GABRR2: variants seen among roughly 807,000 people sequenced by gnomAD.
GABRR2 encodes the protein gamma-aminobutyric acid type A receptor subunit rho2.
A neutral mutation model predicts 47.0 loss-of-function variants in GABRR2; 36 were observed. The observed-to-expected ratio is 0.77, with a 90% CI of 0.59 to 1.01. GABRR2 has a LOEUF of 1.01. Ranked by LOEUF, GABRR2 falls within the 50% of genes least tolerant of loss-of-function variation. GABRR2 has a pLI of 0.00. For missense variants in GABRR2, 587 were observed against 594.6 expected (o/e 0.99, Z 0.13); for synonymous variants, 204 against 227.5 (o/e 0.90, Z 0.93).
intron 8 of GABRR2, among the ~76,000 whole-genome samples, chr6:89,259,492 C>CT (rs1241455021): frequency 8.9e-5 from 13 of 145,540 alleles, no homozygotes; most frequent in South Asian, 8.8e-4. Context: ...AGTAACACTT[C>CT]TTTTTTTTTG....
intron 2 of GABRR2, among the ~76,000 whole-genome samples, chr6:89,290,575 C>T (rs1308599509): frequency 6.6e-6 from 1 of 152,258 alleles, no homozygotes; most frequent in Admixed American, 6.5e-5. Context: ...GCAATCTCCC[C>T]TGAGCCTCAC....
intron 1 of GABRR2, chr6:89,303,224 G>T: frequency 5.4e-6 from 2 of 368,428 alleles, no homozygotes; most frequent in South Asian, 4.2e-5. Context: ...TCCCCCACCA[G>T]CTTGTCACTC....
chr6:89,262,028 CAAA>C (rs35450080), intron 8 of GABRR2, among the ~76,000 whole-genome samples: 23 of 130,420 alleles, frequency 1.8e-4, no homozygotes, highest in Admixed American at 4.1e-4. Context: ...GACCCTGTCT[CAAA>C]AAAAAAAAAA....
chr6:89,303,734 C>G (rs1004203422), intron 1 of GABRR2, among the ~76,000 whole-genome samples: 2 of 146,930 alleles, frequency 1.4e-5, no homozygotes, highest in African/African-American at 2.5e-5. Context: ...GTAACCAAAA[C>G]AGCATGGTAC....
intron 8 of GABRR2, among the ~76,000 whole-genome samples, chr6:89,263,082 T>C (rs1163689779): frequency 6.6e-6 from 1 of 152,206 alleles, no homozygotes; most frequent in Non-Finnish European, 1.5e-5. Context: ...GTTTGAACTG[T>C]GCAGATCCAC....
chr6:89,257,377 C>T lies in GABRR2; in HGVS notation c.*293G>A, dbSNP rs1026677384. 5.3e-6 allele frequency: 2 copies of T among 374,642 alleles called. No homozygotes were observed. Among genetic ancestry groups the T allele is most frequent in the South Asian group, 4.6e-5 (1 of 21,704 alleles). 23.2% of individuals were successfully genotyped at this position (374,642 alleles called of 1,614,324 possible). A position where few individuals can be genotyped will look rare whatever the true frequency, so the allele number is the denominator to read the frequency against. ...AAGAATGTCTAGGAGGCATTTGAAT[C>T]CTTGTTTATAGGAGGGGAGTTCTTG... is the stretch of plus-strand genomic sequence containing the variant. On this transcript the variant is annotated 3_prime_UTR_variant, in exon 9 of 9. Coordinates refer to ENST00000402938, the MANE Select transcript of GABRR2 (RefSeq NM_002043.5).
At chr6:89,302,769 A>T in intron 1 of GABRR2, 1 of 1,445,524 alleles carries the variant, frequency 6.9e-7, no homozygotes, top group Non-Finnish European at 9.5e-7. Context: ...CATCCAGAGC[A>T]AGAACAGCAG....
At chr6:89,302,546 G>T (rs545917849) in intron 1 of GABRR2, 9 of 917,860 alleles carry the variant, frequency 9.8e-6, no homozygotes, top group South Asian at 7.8e-5. Flanking sequence ...GTGAACATGG[G>T]TGCCCTTCCC....
intron 3 of GABRR2, among the ~76,000 whole-genome samples, chr6:89,270,079 T>C (rs1043014167): frequency 5.3e-5 from 8 of 152,226 alleles, no homozygotes; most frequent in Non-Finnish European, 1.0e-4. Context: ...AGTGCATGCA[T>C]GAGAGTCTGT....
At position 89,314,143 on chromosome 6, in the gene GABRR2, G is replaced by T. The variant is rs773238825; in HGVS notation, c.113+910C>A. 1.9e-4 allele frequency among the ~76,000 whole-genome samples: 29 copies of T among 150,722 alleles called. 1 individual carries two copies. Among genetic ancestry groups the T allele is most frequent in the Admixed American group, 4.0e-4 (6 of 15,034 alleles). On this transcript the variant is annotated intron_variant, in intron 1 of 8. Transcript: ENST00000402938. The stretch of plus-strand genomic sequence containing the variant: ...ATTAGAGGTACAGTTTCAAAAACTT[G>T]TCATTGACAGCAGCGCATGTTCAAA...
At position 89,269,095 on chromosome 6, in the gene GABRR2, G is replaced by A. The variant is rs1277896096; in HGVS notation, c.428C>T (p.Ser143Phe). ...IWVPDVFFVHSKRSFTHDTTT... is the reference protein window; with the variant it reads ...IWVPDVFFVHFKRSFTHDTTT... ...GGTGTCATGAGTGAACGATCTTTTG[G>A]AGTGAACAAAGAAGACATCAGGGAC... Residue 143 changes from serine to phenylalanine, a missense_variant, in exon 4 of 9, where the codon TCC (serine) becomes TTC (phenylalanine). Coordinates refer to ENST00000402938, the MANE Select transcript of GABRR2 (RefSeq NM_002043.5). 6.2e-7 allele frequency: 1 copy of A among 1,614,044 alleles called. No individual in the cohort carries two copies. Among genetic ancestry groups the A allele is most frequent in the Admixed American group, 1.7e-5 (1 of 60,026 alleles).
chr6:89,280,131 C>A (rs572556559), intron 2 of GABRR2, among the ~76,000 whole-genome samples: 137 of 150,618 alleles, frequency 9.1e-4, no homozygotes, highest in Non-Finnish European at 1.5e-3. Flanking sequence ...ATCGCTTGAA[C>A]CCGGGAAGTG....
chr6:89,306,917 T>C (rs1767569609), intron 1 of GABRR2, among the ~76,000 whole-genome samples: 2 of 147,482 alleles, frequency 1.4e-5, no homozygotes, highest in South Asian at 4.4e-4. Flanking sequence ...TACCTGTTCC[T>C]CTTATAGGCT....
At chr6:89,279,588 C>A (rs1270100477) in intron 2 of GABRR2, among the ~76,000 whole-genome samples, 2 of 151,610 alleles carry the variant, frequency 1.3e-5, no homozygotes, top group East Asian at 1.9e-4. Flanking sequence ...CTCACTATAA[C>A]CTGGAACTCC....
intron 2 of GABRR2, among the ~76,000 whole-genome samples, chr6:89,272,355 A>T (rs1032070469): frequency 6.6e-6 from 1 of 152,248 alleles, no homozygotes; most frequent in Non-Finnish European, 1.5e-5. Flanking sequence ...ACTGAACTTC[A>T]TCTGGCCTAC....
Position 89,269,135 on chromosome 6 carries a change from C to T in GABRR2, c.388G>A (p.Val130Met). ...NKSMTFDGRL[V>M]KKIWVPDVFF... is the part of the protein sequence containing the mutation. ...ACATCAGGGACCCAGATCTTCTTCA[C>T]CAGCCGGCCATCGAAGGTCATGCTC... The change falls in exon 4 of 9, where the codon GTG (valine) becomes ATG (methionine). Residue 130 changes from valine to methionine, a missense_variant. Physicochemically the swap from Val to Met is conservative, Grantham distance 21. Transcript: ENST00000402938. The T allele has an allele frequency of 1.2e-6, 2 of 1,614,036 alleles. No homozygotes were observed. Among genetic ancestry groups the T allele is most frequent in the Non-Finnish European group, 1.7e-6 (2 of 1,179,898 alleles).
At chr6:89,308,669 G>A (rs6454753) in intron 1 of GABRR2, among the ~76,000 whole-genome samples, 13 of 151,952 alleles carry the variant, frequency 8.6e-5, no homozygotes, top group East Asian at 3.9e-4. Flanking sequence ...TTCCCCACCC[G>A]CTTGAGGGCT....
intron 2 of GABRR2, among the ~76,000 whole-genome samples, chr6:89,294,390 C>A (rs1416313571): frequency 6.6e-6 from 1 of 152,182 alleles, no homozygotes; most frequent in Non-Finnish European, 1.5e-5. Context: ...AAGTAATCCA[C>A]CCACCTTGAC....
At chr6:89,282,890 A>G (rs765302415) in intron 2 of GABRR2, among the ~76,000 whole-genome samples, 1 of 152,200 alleles carries the variant, frequency 6.6e-6, no homozygotes, top group Non-Finnish European at 1.5e-5. Context: ...GATACTGTGC[A>G]GCTCCGTGTT....
Sources: allele counts gnomAD v4.1 joint callset (sites outside exome capture counted in the v4.1 genomes callset), GRCh38; gene constraint gnomAD v4.1.1; transcripts MANE v1.5; gene names NCBI Gene and HGNC (gene_info 2026-07-23, HGNC 2026-07-21).